The following DNAH12 variants were observed in gnomAD, a reference collection of about 807,000 sequenced individuals.
DNAH12 encodes axonemal beta dynein heavy chain 12.
A neutral mutation model predicts 371.5 loss-of-function variants in DNAH12; 285 were observed. That is an observed-to-expected ratio of 0.77 (90% confidence interval 0.70 to 0.85). DNAH12 has a LOEUF of 0.85. Ranked by LOEUF, DNAH12 falls within the 40% of genes least tolerant of loss-of-function variation. DNAH12 has a pLI of 0.00. For missense variants in DNAH12, 3,611 were observed against 3,689.4 expected, an observed-to-expected ratio of 0.98 and a Z score of 0.55; for synonymous variants, 1,200 against 1,213.0, an observed-to-expected ratio of 0.99 and a Z score of 0.22.
In DNAH12 at chr3:57,529,011, G is replaced by T. The variant is rs376925136; in HGVS notation, c.171-5127C>A. ...GATGAGGTTTCACCATGTTGGCCAG[G>T]CTGGTCTCAAACTCCTGACCACAGG... On this transcript the variant is annotated intron_variant, in intron 2 of 73. Coordinates refer to ENST00000495027, the MANE Select transcript of DNAH12 (RefSeq NM_001366028.2). Among the ~76,000 whole-genome samples the T allele has an allele frequency of 2.8e-4, 42 of 152,096 alleles. No homozygotes were observed. In the East Asian group the frequency reaches 8.0e-3, roughly 29 times the overall value.
intron 2 of DNAH12, among the ~76,000 whole-genome samples, chr3:57,525,756 C>CTTTTTTTTTTTTT (rs776184662): frequency 6.6e-5 from 5 of 76,274 alleles, no homozygotes; most frequent in East Asian, 4.7e-4. Flanking sequence ...ATGTCTTATT[C>CTTTTTTTTTTTTT]TTTTTTTTTT....
chr3:57,364,024 CT>C (rs2062994443), intron 57 of DNAH12, among the ~76,000 whole-genome samples: 1 of 152,110 alleles, frequency 6.6e-6, no homozygotes, highest in Non-Finnish European at 1.5e-5. Context: ...ACACATTAGA[CT>C]TATCCATATG....
chr3:57,302,567 A>ATATATATATATATTTATTTTTTTT (rs2061380979), intron 69 of DNAH12, among the ~76,000 whole-genome samples: 3 of 27,480 alleles, frequency 1.1e-4, no homozygotes, highest in Admixed American at 7.2e-4. Flanking sequence ...ATATATATGT[A>ATATATATATATATTTATTTTTTTT]TTTTTTTTTT....
intron 17 of DNAH12, among the ~76,000 whole-genome samples, chr3:57,465,820 GAA>G (rs1381600948): frequency 1.3e-5 from 2 of 151,970 alleles, no homozygotes; most frequent in Non-Finnish European, 2.9e-5. Context: ...TACAGGAAAA[GAA>G]ATATAAAACA....
intron 4 of DNAH12, among the ~76,000 whole-genome samples, chr3:57,514,367 C>A (rs1307718982): frequency 6.7e-6 from 1 of 150,004 alleles, no homozygotes; most frequent in Admixed American, 6.7e-5. Flanking sequence ...GTACTCCAGC[C>A]TCGGTGACAG....
At chr3:57,392,758 T>C (rs2063652144) in intron 44 of DNAH12, among the ~76,000 whole-genome samples, 1 of 151,728 alleles carries the variant, frequency 6.6e-6, no homozygotes, top group Non-Finnish European at 1.5e-5. Context: ...AAAACAGAAA[T>C]AGTGAAGCAA....
chr3:57,357,489 G>T (rs944747877), intron 58 of DNAH12, 141 bp from the exon 59 acceptor site: 3 of 152,068 alleles, frequency 2.0e-5, no homozygotes, highest in African/African-American at 7.2e-5. Context: ...ACAAGAGAGG[G>T]CTTTATCATA....
chr3:57,373,471 C>T (rs1350450011), intron 55 of DNAH12, among the ~76,000 whole-genome samples: 2 of 144,292 alleles, frequency 1.4e-5, no homozygotes, highest in Admixed American at 7.0e-5. Flanking sequence ...CACACCACCA[C>T]ACCTGGCTAA....
Position 57,453,005 on chromosome 3 carries a change from A to T in DNAH12, c.3624T>A (p.His1208Gln), listed in dbSNP as rs1254085491. The change falls in exon 25 of 74, where the codon CAT (histidine) becomes CAA (glutamine). Residue 1208 changes from histidine (H) to glutamine (Q), a missense_variant. Around this residue, in one of 3 missense-constraint regions of DNAH12, gnomAD observed 31 missense variants for 53.8 expected, o/e 0.58. Transcript: ENST00000495027. ...GAGCAAGCCACAGGAAATCTGTATC[A>T]TGTGAGACACCTAGAAAAAATAAAG... Reference protein sequence around the residue: ...VMDMIKMGVSHDTDFLWLAQL... With the variant: ...VMDMIKMGVSQDTDFLWLAQL... The T allele has an allele frequency of 6.5e-7, 1 of 1,543,518 alleles. No homozygotes were observed. Among genetic ancestry groups the T allele is most frequent in the African/African-American group, 1.4e-5 (1 of 72,610 alleles).
chr3:57,514,739 A>G (rs952069738), intron 4 of DNAH12, among the ~76,000 whole-genome samples: 4 of 152,178 alleles, frequency 2.6e-5, no homozygotes, highest in Non-Finnish European at 4.4e-5. Flanking sequence ...AATGAAAACA[A>G]ACAAACCAAT....
At position 57,357,331 on chromosome 3, in the gene DNAH12, T is replaced by C. The variant is rs1297379530; in HGVS notation, c.9378A>G (p.Glu3126=). ...CTTCTCGAGACTCTGCTATTTTGAGTTCTGTTTTTTCTGCAATCTAGGAGA... is the reference window on the plus strand; with the variant it reads ...CTTCTCGAGACTCTGCTATTTTGAGCTCTGTTTTTTCTGCAATCTAGGAGA... ...TKKQQIAEKT[E]LKIAESREGY... Residue 3126 remains glutamate, a synonymous_variant, in exon 59 of 74, where the codon GAA becomes GAG. Coordinates refer to ENST00000495027, the MANE Select transcript of DNAH12 (RefSeq NM_001366028.2). The C allele has an allele frequency of 1.3e-5, 2 of 152,138 alleles. No individual in the cohort carries two copies. Among genetic ancestry groups the C allele is most frequent in the African/African-American group, 4.8e-5 (2 of 41,432 alleles). 9.4% of individuals were successfully genotyped at this position (152,138 alleles called of 1,614,324 possible).
At chr3:57,342,973 G>A (rs2062443121) in intron 60 of DNAH12, among the ~76,000 whole-genome samples, 1 of 151,974 alleles carries the variant, frequency 6.6e-6, no homozygotes, top group Non-Finnish European at 1.5e-5. Flanking sequence ...TTGGGAAGCT[G>A]GGGTGGAAGG....
rs927647739 is a variant in DNAH12 at position 57,405,831 on chromosome 3, G to A, written c.6398C>T (p.Ala2133Val). 76 of 1,551,530 alleles carry A rather than the reference G, an allele frequency of 4.9e-5. No homozygotes were observed. The highest frequency in any genetic ancestry group is 3.3e-4 in the Middle Eastern group (2 of 6,014). ...GCLLIERDAV[A>V]NKHTMIRLFV... The stretch of plus-strand genomic sequence containing the variant: ...CAGACGGATCATAGTGTGTTTGTTC[G>A]CCACGGCGTCTCTTTCAATGAGTAA... The change falls in exon 41 of 74, where the codon GCG (alanine) becomes GTG (valine). Residue 2133 changes from alanine (A) to valine (V), a missense_variant. By Grantham distance (64) the Ala-to-Val change is moderately conservative (BLOSUM62 0). This residue lies in a region of DNAH12 where 2,266 missense variants were observed against 2,236.9 expected (regional missense o/e 1.01). Coordinates refer to ENST00000495027, the MANE Select transcript of DNAH12 (RefSeq NM_001366028.2).
chr3:57,473,161 A>T (rs912194299), intron 13 of DNAH12, among the ~76,000 whole-genome samples: 1 of 152,040 alleles, frequency 6.6e-6, no homozygotes, highest in Non-Finnish European at 1.5e-5. Flanking sequence ...AATAGTCTAG[A>T]ATATTGCGGT....
At chr3:57,492,125 G>A (rs980410900) in intron 11 of DNAH12, among the ~76,000 whole-genome samples, 5 of 152,092 alleles carry the variant, frequency 3.3e-5, no homozygotes, top group African/African-American at 1.2e-4. Context: ...TCACATCACT[G>A]CACTCCAGCC....
At chr3:57,433,601 G>A in intron 31 of DNAH12, 44 bp downstream of exon 31, 1 of 1,535,366 alleles carries the variant, frequency 6.5e-7, no homozygotes, top group Non-Finnish European at 8.8e-7. Flanking sequence ...TGTTTTAACA[G>A]GCACTTTCCA....
intron 4 of DNAH12, among the ~76,000 whole-genome samples, chr3:57,518,532 AAAAAG>A (rs3039031): frequency 1.6e-3 from 238 of 149,676 alleles, no homozygotes; most frequent in African/African-American, 4.9e-3. Flanking sequence ...CTGTCTCAAA[AAAAAG>A]AAAAGAAAAG....
At chr3:57,295,664 G>C in intron 72 of DNAH12, 72 bp from the exon 73 acceptor site, 1 of 1,326,414 alleles carries the variant, frequency 7.5e-7, no homozygotes, top group African/African-American at 1.5e-5. Flanking sequence ...TTGCTACTTA[G>C]ATATTGGCTT....
Position 57,323,135 on chromosome 3 carries a change from C to CCCAAGTT in DNAH12, c.10248_10254dup (p.Val3419AsnfsTer23). Reference sequence around the variant, plus strand: ...GCAAGATGGCAATTCTGTAGGCACACCCAAGTTCCTTCTTCAATTGCTGCT... The same window carrying CCCAAGTT: ...GCAAGATGGCAATTCTGTAGGCACACCCAAGTTCCAAGTTCCTTCTTCAATTGCTGCT... On this transcript the variant is annotated frameshift_variant, in exon 64 of 74. Coordinates refer to ENST00000495027, the MANE Select transcript of DNAH12 (RefSeq NM_001366028.2). LOFTEE classifies it high-confidence loss of function. The CCCAAGTT allele has an allele frequency of 6.4e-7, 1 of 1,552,416 alleles. No individual in the cohort carries two copies. Among genetic ancestry groups the CCCAAGTT allele is most frequent in the South Asian group, 1.2e-5 (1 of 84,066 alleles).
Sources: gnomAD v4.1 joint callset for allele counts (sites outside exome capture counted in the v4.1 genomes callset) on GRCh38, gnomAD v4.1.1 for gene constraint, gnomAD v4.1.1 regional missense constraint, MANE v1.5 for transcripts, NCBI Gene and HGNC (gene_info 2026-07-23, HGNC 2026-07-21) for gene names.